The following FLT1 variants were observed in gnomAD, a reference collection of about 807,000 sequenced individuals.
FLT1 encodes the protein vascular endothelial growth factor receptor 1.
A neutral mutation model predicts 156.3 loss-of-function variants in FLT1; 49 were observed. The ratio of observed to expected loss-of-function variants is 0.31; its 90% CI spans 0.25 to 0.40. The LOEUF is 0.40. Among genes scored for constraint, FLT1 ranks in the 10% least tolerant of loss-of-function variants. FLT1 has a pLI of 1.00. For missense variants in FLT1, 1,322 were observed against 1,637.2 expected (o/e 0.81, Z 3.32); for synonymous variants, 594 against 583.8 (o/e 1.02, Z -0.25).
chr13:28,380,068 G>A (rs1055643362), intron 14 of FLT1, among the ~76,000 whole-genome samples: 1 of 152,122 alleles, frequency 6.6e-6, no homozygotes, highest in Admixed American at 6.5e-5. Context: ...GAGCTGCCAG[G>A]CTTCATCTAA....
At chr13:28,465,470 A>C (rs1194109862) in intron 3 of FLT1, among the ~76,000 whole-genome samples, 1 of 152,200 alleles carries the variant, frequency 6.6e-6, no homozygotes, top group African/African-American at 2.4e-5. Context: ...GCTGTCTCCT[A>C]AGACTAATCC....
intron 15 of FLT1, among the ~76,000 whole-genome samples, chr13:28,356,552 G>T (rs185407682): frequency 1.3e-5 from 2 of 152,252 alleles, no homozygotes; most frequent in East Asian, 3.9e-4. Flanking sequence ...CTTTCAGGGG[G>T]CTCTTTAAAA....
chr13:28,448,534 T>G (rs1272845500), intron 3 of FLT1, among the ~76,000 whole-genome samples: 1 of 152,246 alleles, frequency 6.6e-6, no homozygotes, highest in Non-Finnish European at 1.5e-5. Context: ...ATGTATTCTA[T>G]TTATATAAAA....
chr13:28,434,181 T>C lies in FLT1; in HGVS notation c.553A>G (p.Ile185Val). The part of the protein sequence containing the change: ...DTLIPDGKRI[I>V]WDSRKGFIIS... ...ATGAAGCCCTTTCTACTGTCCCAGA[T>C]TATGCGTTTTCCATCAGGGATCAAA... The change falls in exon 5 of 30, where the codon ATC becomes GTC. Residue 185 changes from isoleucine to valine, a missense_variant. By Grantham distance (29) the Ile-to-Val change is conservative (BLOSUM62 3). Transcript: ENST00000282397. The C allele has an allele frequency of 6.2e-7, 1 of 1,614,138 alleles. No homozygotes were observed. The highest frequency in any genetic ancestry group is 8.5e-7 in the Non-Finnish European group (1 of 1,180,018).
chr13:28,411,654 A>G (rs12584471), intron 10 of FLT1, among the ~76,000 whole-genome samples: 63,228 of 151,514 alleles, frequency 0.42, 15,049 homozygotes, highest in Middle Eastern at 0.59. Context: ...CTCAGTGAGC[A>G]TGTTCTGGGA....
chr13:28,450,452 C>G (rs1878869782), intron 3 of FLT1, among the ~76,000 whole-genome samples: 1 of 151,706 alleles, frequency 6.6e-6, no homozygotes, highest in South Asian at 2.1e-4. Flanking sequence ...GATGACTGAC[C>G]TCAGTCAGAG....
intron 29 of FLT1, among the ~76,000 whole-genome samples, chr13:28,305,783 CT>C (rs1555298110): frequency 6.6e-6 from 1 of 152,052 alleles, no homozygotes. Context: ...TTTTTTGCAA[CT>C]TTTTTAGCTT....
chr13:28,432,004 T>C (rs1877710971), intron 6 of FLT1, among the ~76,000 whole-genome samples: 1 of 152,184 alleles, frequency 6.6e-6, no homozygotes, highest in Non-Finnish European at 1.5e-5. Flanking sequence ...CTGTCCCAGG[T>C]TTGTCTCAGA....
At chr13:28,464,842 A>G (rs1879765837) in intron 3 of FLT1, among the ~76,000 whole-genome samples, 1 of 152,234 alleles carries the variant, frequency 6.6e-6, no homozygotes, top group Admixed American at 6.5e-5. Context: ...ATTTATTAGA[A>G]AAAAAGAGAT....
chr13:28,412,329 C>CTTTCTTTCCTTTCTTTCT, intron 10 of FLT1, among the ~76,000 whole-genome samples: 1 of 88,960 alleles, frequency 1.1e-5, no homozygotes, highest in East Asian at 3.7e-4. Context: ...TTCTTTCTTT[C>CTTTCTTTCCTTTCTTTCT]TTTTCTTTCT....
intron 10 of FLT1, among the ~76,000 whole-genome samples, chr13:28,417,211 T>C (rs1876703755): frequency 6.6e-6 from 1 of 152,186 alleles, no homozygotes; most frequent in South Asian, 2.1e-4. Context: ...GGTCCAAAAT[T>C]ACCTTTCCAA....
chr13:28,473,639 T>C (rs1055811453), intron 1 of FLT1, among the ~76,000 whole-genome samples: 44 of 130,170 alleles, frequency 3.4e-4, no homozygotes, highest in South Asian at 6.9e-4. Context: ...AGCAAGACTA[T>C]ATCTCAAAAG....
chr13:28,462,695 T>C (rs1002711696), intron 3 of FLT1, among the ~76,000 whole-genome samples: 1 of 152,226 alleles, frequency 6.6e-6, no homozygotes, highest in Non-Finnish European at 1.5e-5. Context: ...TGGGACCAAG[T>C]GGCCCCTTCC....
intron 14 of FLT1, among the ~76,000 whole-genome samples, chr13:28,375,945 T>G (rs979842298): frequency 6.6e-6 from 1 of 152,264 alleles, no homozygotes; most frequent in African/African-American, 2.4e-5. Flanking sequence ...TTGACATTTC[T>G]GAATTTCATT....
At chr13:28,447,324 A>C (rs1400368126) in intron 3 of FLT1, among the ~76,000 whole-genome samples, 2 of 151,456 alleles carry the variant, frequency 1.3e-5, no homozygotes, top group Admixed American at 6.6e-5. Context: ...GACTATAGGA[A>C]TGTGCCACCA....
At chr13:28,305,575 T>C (rs1870709215) in intron 29 of FLT1, among the ~76,000 whole-genome samples, 1 of 152,224 alleles carries the variant, frequency 6.6e-6, no homozygotes, top group Non-Finnish European at 1.5e-5. Context: ...GTGTACTCAC[T>C]GGCCATGCCC....
At chr13:28,493,813 T>TTTC (rs1271076226) in intron 1 of FLT1, among the ~76,000 whole-genome samples, 1 of 152,200 alleles carries the variant, frequency 6.6e-6, no homozygotes, top group Non-Finnish European at 1.5e-5. Context: ...GGCCCCTGAC[T>TTTC]GTTCCACCGC....
intron 14 of FLT1, among the ~76,000 whole-genome samples, chr13:28,360,873 A>G (rs1050382210): frequency 6.6e-6 from 1 of 152,240 alleles, no homozygotes; most frequent in Non-Finnish European, 1.5e-5. Flanking sequence ...ATTTGAGCTG[A>G]TGGGTATGCT....
chr13:28,362,560 T>C (rs1441167314), intron 14 of FLT1, among the ~76,000 whole-genome samples: 1 of 152,134 alleles, frequency 6.6e-6, no homozygotes, highest in Non-Finnish European at 1.5e-5. Context: ...GGCTCATGCC[T>C]ATAATCCCAG....
Sources: gnomAD v4.1 joint callset for allele counts (sites outside exome capture counted in the v4.1 genomes callset) on GRCh38, gnomAD v4.1.1 for gene constraint, MANE v1.5 for transcripts, NCBI Gene and HGNC (gene_info 2026-07-23, HGNC 2026-07-21) for gene names.